Variants in TMX4 observed in about 807,000 individuals in gnomAD.
TMX4 encodes thioredoxin-related transmembrane protein 4.
TMX4 carries 23 observed loss-of-function variants against 33.3 expected under a neutral mutation model. The observed-to-expected ratio is 0.69, with a 90% CI of 0.50 to 0.98. The LOEUF (loss-of-function observed/expected upper bound fraction) is 0.98. TMX4 is among the 50% of genes least tolerant of loss of function. The probability of loss-of-function intolerance (pLI) is 0.00; values close to 1 mark genes in which losing one functional copy is unlikely to be tolerated. For missense variants in TMX4, 399 were observed against 448.9 expected, an observed-to-expected ratio of 0.89 and a Z score of 1.01; for synonymous variants, 164 against 161.5, an observed-to-expected ratio of 1.02 and a Z score of -0.12.
chr20:8,008,361 C>G (rs1034215591), intron 2 of TMX4, among the ~76,000 whole-genome samples: 1 of 151,988 alleles, frequency 6.6e-6, no homozygotes. Context: ...TTTCCTTCTT[C>G]TTTTAATATT....
At chr20:7,985,788 C>T (rs941031346) in intron 6 of TMX4, among the ~76,000 whole-genome samples, 1 of 152,204 alleles carries the variant, frequency 6.6e-6, no homozygotes, top group African/African-American at 2.4e-5. Context: ...ATCACTCTCT[C>T]CTTTCTTCAG....
chr20:7,987,332 A>T lies in TMX4; in HGVS notation c.571T>A (p.Phe191Ile). Reference protein sequence around the residue: ...LGIPAWCSYVFFVIATLVFGL... With the variant: ...LGIPAWCSYVIFVIATLVFGL... ...AAAACCAAGGTGGCTATGACGAAAA[A>T]GACATAAGAACACCAAGCAGGAATT... The change falls in exon 6 of 8, where the codon TTT becomes ATT. Residue 191 changes from phenylalanine to isoleucine, a missense_variant. By Grantham distance (21) the Phe-to-Ile change is conservative (BLOSUM62 0). Coordinates refer to ENST00000246024, the MANE Select transcript of TMX4 (RefSeq NM_021156.4). 1 of 1,599,966 alleles carries T rather than the reference A, an allele frequency of 6.3e-7. No homozygotes were observed.
intron 3 of TMX4, 109 bp from the exon 4 acceptor site, chr20:7,999,969 T>A: frequency 8.7e-7 from 1 of 1,155,268 alleles, no homozygotes; most frequent in Non-Finnish European, 1.2e-6. Context: ...ATCTGAACTT[T>A]AAATTGACTC....
In TMX4 at chr20:7,983,816, T is replaced by C. The variant is rs769364502; in HGVS notation, c.657A>G (p.Pro219=). 7 of 1,613,740 alleles carry C rather than the reference T, an allele frequency of 4.3e-6. No homozygotes were observed. In the Admixed American group the frequency reaches 1.2e-4, roughly 27 times the overall value. Residue 219 remains proline (P), a synonymous_variant, in exon 7 of 8, where the codon CCA becomes CCG. Transcript: ENST00000246024. ...TACCAGAACGCTCAGATAAATGCCT[T>C]GGAAGTGGCACATAGAAACATTCTG... is the stretch of plus-strand genomic sequence containing the variant. ...VISECFYVPL[P]RHLSERSEQN...
chr20:8,001,636 G>A (rs1200143924), intron 2 of TMX4, 95 bp from the exon 3 acceptor site: 13 of 1,179,202 alleles, frequency 1.1e-5, no homozygotes, highest in Admixed American at 2.6e-5. Flanking sequence ...TAAAATCACT[G>A]CAATTGTTGA....
rs956705926 is a variant in TMX4, at chr20:8,019,476, G to A, written c.138C>T (p.Asn46=). ...QSRVQPMTAS[N]WTLVMEGEWM... ...ACTCGCCCTCCATCACCAGCGTCCA[G>A]TTGGAGGCGGTCATGGGCTGGACCC... Residue 46 remains asparagine (N), a synonymous_variant, in exon 1 of 8, where the codon AAC becomes AAT. Coordinates refer to ENST00000246024, the MANE Select transcript of TMX4 (RefSeq NM_021156.4). The A allele has an allele frequency of 4.0e-6, 6 of 1,517,164 alleles. No individual in the cohort carries two copies. In the African/African-American group the frequency reaches 4.4e-5, roughly 11 times the overall value. 94.0% of individuals were successfully genotyped at this position (1,517,164 alleles called of 1,614,324 possible).
At chr20:8,003,988 T>C (rs1172355208) in intron 2 of TMX4, among the ~76,000 whole-genome samples, 1 of 152,106 alleles carries the variant, frequency 6.6e-6, no homozygotes, top group African/African-American at 2.4e-5. Flanking sequence ...CAGTTTGCTG[T>C]CTGGAATAAT....
Position 7,979,360 on chromosome 20 carries a change from G to A in TMX4, c.*2891C>T, listed in dbSNP as rs990371420. The A allele has an allele frequency of 2.0e-5, 3 of 152,120 alleles. No homozygotes were observed. Among genetic ancestry groups the A allele is most frequent in the Non-Finnish European group, 4.4e-5 (3 of 68,012 alleles). 9.4% of individuals were successfully genotyped at this position (152,120 alleles called of 1,614,324 possible). ...AAAATCAGGAAAAATGGTTCCCACA[G>A]ATATTTAAAGTTTTAATGGGTCCTC... On this transcript the variant is annotated 3_prime_UTR_variant, in exon 8 of 8. Transcript: ENST00000246024.
chr20:8,006,760 CT>C (rs3030970), intron 2 of TMX4, among the ~76,000 whole-genome samples: 292 of 139,440 alleles, frequency 2.1e-3, no homozygotes, highest in Admixed American at 3.4e-3. Flanking sequence ...ACTTCTTCTT[CT>C]TTTTTTTTTT....
intron 1 of TMX4, among the ~76,000 whole-genome samples, chr20:8,011,132 T>C (rs2050751263): frequency 6.6e-6 from 1 of 152,122 alleles, no homozygotes; most frequent in South Asian, 2.1e-4. Flanking sequence ...TATACCAACT[T>C]GTGGGTAAGC....
chr20:7,983,803 C>G lies in TMX4; in HGVS notation c.670G>C (p.Glu224Gln), dbSNP rs771311268. Residue 224 changes from glutamate (E) to glutamine (Q), a missense_variant, in exon 7 of 8, where the codon GAG (glutamate) becomes CAG (glutamine). Physicochemically the swap from Glu to Gln is conservative, Grantham distance 29 (BLOSUM62 2). Transcript: ENST00000246024. ...FYVPLPRHLS[E>Q]RSEQNRRSEE... ...AGCTTATCGTACTTACCAGAACGCT[C>G]AGATAAATGCCTTGGAAGTGGCACA... The G allele has an allele frequency of 1.2e-6, 2 of 1,613,358 alleles. No homozygotes were observed. Among genetic ancestry groups the G allele is most frequent in the South Asian group, 1.1e-5 (1 of 91,016 alleles).
In TMX4 at chr20:7,980,058, G is replaced by A; in HGVS notation, c.*2193C>T. 1 of 152,174 alleles carries A rather than the reference G, an allele frequency of 6.6e-6. No individual in the cohort carries two copies. Among genetic ancestry groups the A allele is most frequent in the South Asian group, 2.1e-4 (1 of 4,830 alleles). 9.4% of individuals were successfully genotyped at this position (152,174 alleles called of 1,614,324 possible). ...GTCAGGTGTAAAATTTTCCACTTCT[G>A]ACGGAATGCTGGAACTCAAAGTTTA... is the stretch of plus-strand genomic sequence containing the variant. On this transcript the variant is annotated 3_prime_UTR_variant, in exon 8 of 8. Transcript: ENST00000246024.
Position 7,981,973 on chromosome 20 carries a change from G to C in TMX4, c.*278C>G. 1 of 355,564 alleles carries C rather than the reference G, an allele frequency of 2.8e-6. No homozygotes were observed. The allele number at this position is 355,564 out of a possible 1,614,324, so 22.0% of individuals were successfully genotyped here. A position where few individuals can be genotyped will look rare whatever the true frequency, so the allele number is the denominator to read the frequency against. On this transcript the variant is annotated 3_prime_UTR_variant, in exon 8 of 8. Coordinates refer to ENST00000246024, the MANE Select transcript of TMX4 (RefSeq NM_021156.4). ...TTAGGACTGGGAATGGCCTCCTCTG[G>C]TCGAGACTCTCTGACCCCTAAGTAA...
At position 8,019,398 on chromosome 20, in the gene TMX4, C is replaced by G. The variant is rs779572964; in HGVS notation, c.176+40G>C. The G allele has an allele frequency of 2.0e-5, 30 of 1,505,930 alleles. No individual in the cohort carries two copies. The Admixed American group carries it at 6.0e-4, about 30-fold the overall frequency. The allele number at this position is 1,505,930 out of a possible 1,614,324, so 93.3% of individuals were successfully genotyped here. On this transcript the variant is annotated intron_variant, in intron 1 of 7. Coordinates refer to ENST00000246024, the MANE Select transcript of TMX4 (RefSeq NM_021156.4). Reference sequence around the variant, plus strand: ...CGCGGGCTTGGGAGGGTGACGCCCGCGAGGACACTGCGGCGTCCGGGGCGG... The same window carrying G: ...CGCGGGCTTGGGAGGGTGACGCCCGGGAGGACACTGCGGCGTCCGGGGCGG...
rs778432182 is a variant in TMX4, at chr20:7,996,082, A to C, written c.468-11T>G. ...GCCATTCCAGACATCCTTAAAAAAA[A>C]ATAAAGAGAAGAAACAGTGATCATA... On this transcript the variant is annotated splice_polypyrimidine_tract_variant and intron_variant, in intron 4 of 7. Transcript: ENST00000246024. The C allele has an allele frequency of 1.4e-5, 22 of 1,609,056 alleles. No homozygotes were observed. In the South Asian group the frequency reaches 2.4e-4, roughly 18 times the overall value.
intron 2 of TMX4, among the ~76,000 whole-genome samples, chr20:8,006,068 C>A (rs2050728776): frequency 6.6e-6 from 1 of 152,170 alleles, no homozygotes; most frequent in African/African-American, 2.4e-5. Context: ...TGAAAGAGCA[C>A]ACGGTAACAC....
chr20:7,994,027 T>C (rs1294557057), intron 5 of TMX4, among the ~76,000 whole-genome samples: 1 of 152,010 alleles, frequency 6.6e-6, no homozygotes. Context: ...TCCATGCAAA[T>C]GCTTATAAAA....
intron 6 of TMX4, among the ~76,000 whole-genome samples, chr20:7,986,917 A>T (rs974854446): frequency 2.0e-5 from 3 of 152,168 alleles, no homozygotes; most frequent in African/African-American, 7.2e-5. Flanking sequence ...GAACAAATTC[A>T]AAACCTTGGC....
At chr20:8,004,305 T>C (rs962390811) in intron 2 of TMX4, among the ~76,000 whole-genome samples, 6 of 152,208 alleles carry the variant, frequency 3.9e-5, no homozygotes, top group Admixed American at 3.3e-4. Context: ...CATCTGAGGT[T>C]GTGGCTTCAG....
Sources: allele counts gnomAD v4.1 joint callset (sites outside exome capture counted in the v4.1 genomes callset), GRCh38; gene constraint gnomAD v4.1.1; transcripts MANE v1.5; gene names NCBI Gene and HGNC (gene_info 2026-07-23, HGNC 2026-07-21).